Variants in CDON observed in about 807,000 individuals in gnomAD.
The protein encoded by CDON is cell adhesion associated, oncogene regulated.
In CDON, 73 loss-of-function variants were observed where a neutral mutation model predicts 120.9. The ratio of observed to expected loss-of-function variants is 0.60; its 90% CI spans 0.50 to 0.73. The LOEUF is 0.73. CDON is among the 30% of genes least tolerant of loss of function. The probability of loss-of-function intolerance (pLI) is 0.00; values close to 1 mark genes in which losing one functional copy is unlikely to be tolerated. For missense variants in CDON, 1,470 were observed against 1,587.3 expected (o/e 0.93, Z 1.26); for synonymous variants, 566 against 573.5 (o/e 0.99, Z 0.19).
In CDON at chr11:126,006,014, A is replaced by G. The variant is rs1245886670; in HGVS notation, c.1596T>C (p.Pro532=). 1.9e-6 allele frequency: 3 copies of G among 1,614,132 alleles called. No homozygotes were observed. Among genetic ancestry groups the G allele is most frequent in the African/African-American group, 2.7e-5 (2 of 75,054 alleles). Residue 532 remains proline (P), a synonymous_variant, in exon 9 of 20, where the codon CCT becomes CCC. Coordinates refer to ENST00000531738, the MANE Select transcript of CDON (RefSeq NM_001378964.1). ...TNTKAETVTL[P]DAAQNDDRSK... Reference sequence around the variant, plus strand: ...TTCTGTCATCATTCTGAGCAGCATCAGGAAGTGTGACTGTCTCTGCTTTTG... The same window carrying G: ...TTCTGTCATCATTCTGAGCAGCATCGGGAAGTGTGACTGTCTCTGCTTTTG...
chr11:126,039,162 T>C (rs907434336), intron 1 of CDON, among the ~76,000 whole-genome samples: 18 of 152,274 alleles, frequency 1.2e-4, no homozygotes, highest in Middle Eastern at 3.4e-3. Flanking sequence ...CACAAAAACT[T>C]GGGCATAAAT....
intron 15 of CDON, among the ~76,000 whole-genome samples, chr11:125,986,594 T>C (rs897194028): frequency 1.3e-5 from 2 of 151,880 alleles, no homozygotes; most frequent in African/African-American, 4.8e-5. Context: ...TGAAACCCCA[T>C]CTCTACTAAA....
chr11:126,019,478 TA>T (rs1947567954), intron 4 of CDON, 140 bp downstream of exon 4: 1 of 855,206 alleles, frequency 1.2e-6, no homozygotes, highest in South Asian at 1.6e-5. Context: ...ATTATTTGTA[TA>T]TTGTAACCAT....
rs545327465 is a variant in CDON, at chr11:126,046,171, T to C, written c.-62+16408A>G. ...TGGTATTGGGATGGTAGGATAAGAATTGTAGTTTCAAATACAAGATTCCCA... is the reference window on the plus strand; with the variant it reads ...TGGTATTGGGATGGTAGGATAAGAACTGTAGTTTCAAATACAAGATTCCCA... On this transcript the variant is annotated intron_variant, in intron 1 of 19. Coordinates refer to ENST00000531738, the MANE Select transcript of CDON (RefSeq NM_001378964.1). 1.2e-3 allele frequency among the ~76,000 whole-genome samples: 178 copies of C among 152,304 alleles called. 2 individuals carry two copies. In the South Asian group the frequency reaches 0.015, roughly 13 times the overall value.
intron 1 of CDON, among the ~76,000 whole-genome samples, chr11:126,062,038 A>G (rs1417961998): frequency 6.6e-6 from 1 of 152,250 alleles, no homozygotes; most frequent in African/African-American, 2.4e-5. Flanking sequence ...TATTTAGCAA[A>G]TGATAATGCA....
At chr11:126,002,625 A>G (rs1175749423) in intron 10 of CDON, among the ~76,000 whole-genome samples, 1 of 152,160 alleles carries the variant, frequency 6.6e-6, no homozygotes, top group Non-Finnish European at 1.5e-5. Context: ...CAGAAAGAAT[A>G]TCCTTCCTCT....
rs1946299471 is a variant in CDON at position 125,981,443 on chromosome 11, C to T, written c.2996-114G>A. 60 of 1,094,696 alleles carry T rather than the reference C, an allele frequency of 5.5e-5. 2 individuals carry two copies. The South Asian group carries it at 7.1e-4, about 13-fold the overall frequency. The allele number at this position is 1,094,696 out of a possible 1,614,324, so 67.8% of individuals were successfully genotyped here. On this transcript the variant is annotated intron_variant, in intron 16 of 19. Coordinates refer to ENST00000531738, the MANE Select transcript of CDON (RefSeq NM_001378964.1). ...ATACGCACACACGCACACACGCACACAGTAAGACACTAAAAAGGACAATCT... is the reference window on the plus strand; with the variant it reads ...ATACGCACACACGCACACACGCACATAGTAAGACACTAAAAAGGACAATCT...
rs925821719 is a variant in CDON, at chr11:125,978,424, G to C, written c.3277-41C>G. 4 of 1,298,324 alleles carry C rather than the reference G, an allele frequency of 3.1e-6. No individual in the cohort carries two copies. The African/African-American group carries it at 5.8e-5, about 19-fold the overall frequency. The allele number at this position is 1,298,324 out of a possible 1,614,324, so 80.4% of individuals were successfully genotyped here. A position where few individuals can be genotyped will look rare whatever the true frequency, so the allele number is the denominator to read the frequency against. ...TGTCAGAGAAAAAGAAAAGAAGAAGGAATGCTGAAGGTACTCACAGACCAG... is the reference window on the plus strand; with the variant it reads ...TGTCAGAGAAAAAGAAAAGAAGAAGCAATGCTGAAGGTACTCACAGACCAG... On this transcript the variant is annotated intron_variant, in intron 17 of 19. Transcript: ENST00000531738.
chr11:126,032,718 C>T (rs957390670), intron 1 of CDON, among the ~76,000 whole-genome samples: 3 of 152,100 alleles, frequency 2.0e-5, no homozygotes, highest in African/African-American at 7.2e-5. Context: ...ATTTAAAAGA[C>T]GTAAGAGGCC....
At chr11:125,967,024 T>TAA (rs11372251) in intron 18 of CDON, among the ~76,000 whole-genome samples, 121 of 143,484 alleles carry the variant, frequency 8.4e-4, no homozygotes, top group Admixed American at 1.6e-3. Flanking sequence ...GCAACAGATT[T>TAA]AAAAAAAAAA....
intron 1 of CDON, among the ~76,000 whole-genome samples, chr11:126,027,679 T>C (rs1223203754): frequency 6.6e-6 from 1 of 152,180 alleles, no homozygotes; most frequent in African/African-American, 2.4e-5. Context: ...CCTACAGAAA[T>C]TGACCTTGGC....
intron 1 of CDON, among the ~76,000 whole-genome samples, chr11:126,062,359 A>C (rs1591446001): frequency 6.6e-6 from 1 of 151,968 alleles, no homozygotes; most frequent in African/African-American, 2.4e-5. Context: ...TCCTCCCGCG[A>C]GGTGCCTCCG....
intron 1 of CDON, among the ~76,000 whole-genome samples, chr11:126,052,855 T>A (rs1434981585): frequency 1.3e-5 from 2 of 151,848 alleles, no homozygotes; most frequent in Admixed American, 1.3e-4. Context: ...ATTAAAAATA[T>A]ACTGTATAAC....
At chr11:126,053,716 C>G (rs1191908876) in intron 1 of CDON, among the ~76,000 whole-genome samples, 1 of 148,980 alleles carries the variant, frequency 6.7e-6, no homozygotes, top group East Asian at 1.9e-4. Context: ...GAGGTTTAAC[C>G]CCATTTTCTA....
At chr11:126,015,872 T>G (rs1449304270) in intron 6 of CDON, among the ~76,000 whole-genome samples, 1 of 152,202 alleles carries the variant, frequency 6.6e-6, no homozygotes, top group East Asian at 1.9e-4. Context: ...GATTTCACAC[T>G]AAACAGAAGC....
At chr11:125,969,996 T>G (rs1945919616) in intron 18 of CDON, among the ~76,000 whole-genome samples, 1 of 152,142 alleles carries the variant, frequency 6.6e-6, no homozygotes, top group Non-Finnish European at 1.5e-5. Flanking sequence ...TTGTTAAGCA[T>G]GATTATGTAC....
In CDON at chr11:125,976,560, T is replaced by A. The variant is rs1267148305; in HGVS notation, c.3356+1744A>T. Among the ~76,000 whole-genome samples the A allele has an allele frequency of 2.6e-5, 4 of 151,786 alleles. No homozygotes were observed. In the South Asian group the frequency reaches 8.3e-4, roughly 32 times the overall value. ...TGTCTTAAAGGAAAAAAAAACTGTA[T>A]AATAAAAACTTGAAAATACTAAAAT... On this transcript the variant is annotated intron_variant, in intron 18 of 19. Coordinates refer to ENST00000531738, the MANE Select transcript of CDON (RefSeq NM_001378964.1).
At chr11:125,987,561 T>C (rs1350427755) in intron 15 of CDON, among the ~76,000 whole-genome samples, 9 of 152,240 alleles carry the variant, frequency 5.9e-5, no homozygotes, top group Admixed American at 5.9e-4. Flanking sequence ...TTTTTTGTTT[T>C]CCACTGACCT....
chr11:126,002,955 C>A (rs1946995963), intron 10 of CDON, among the ~76,000 whole-genome samples: 1 of 152,112 alleles, frequency 6.6e-6, no homozygotes, highest in South Asian at 2.1e-4. Flanking sequence ...GCCATCTCTG[C>A]TGGGAATGTT....
Sources: gnomAD v4.1 joint callset for allele counts (sites outside exome capture counted in the v4.1 genomes callset) on GRCh38, gnomAD v4.1.1 for gene constraint, MANE v1.5 for transcripts, NCBI Gene and HGNC (gene_info 2026-07-23, HGNC 2026-07-21) for gene names.